GABRA3: variants seen among roughly 807,000 people sequenced by gnomAD.
GABRA3 encodes gamma-aminobutyric acid receptor subunit alpha-3.
Under a neutral mutation model 30.1 loss-of-function variants are expected in GABRA3, and 10 were observed. The observed-to-expected ratio is 0.33, with a 90% CI of 0.20 to 0.56. The LOEUF (loss-of-function observed/expected upper bound fraction) is 0.56. Ranked by LOEUF, GABRA3 falls within the 20% of genes least tolerant of loss-of-function variation. The probability of loss-of-function intolerance (pLI) is 0.89; values close to 1 mark genes in which losing one functional copy is unlikely to be tolerated. For missense variants in GABRA3, 233 were observed against 392.0 expected, an observed-to-expected ratio of 0.59 and a Z score of 3.42; for synonymous variants, 151 against 146.8, an observed-to-expected ratio of 1.03 and a Z score of -0.21.
chrX:152,419,144 G>T (rs1930311704), intron 1 of GABRA3, among the ~76,000 whole-genome samples: 1 of 110,033 alleles, frequency 9.1e-6, no homozygotes, highest in Non-Finnish European at 1.9e-5. Flanking sequence ...TCTGTTGTGG[G>T]GTGGGGGGTG....
chrX:152,278,630 T>A (rs1939137351), intron 4 of GABRA3, among the ~76,000 whole-genome samples: 1 of 111,350 alleles, frequency 9.0e-6, no homozygotes, highest in Non-Finnish European at 1.9e-5. Context: ...TACCCAGTAA[T>A]GGGAGGGCTG....
intron 1 of GABRA3, among the ~76,000 whole-genome samples, chrX:152,416,221 A>T (rs768414057): frequency 1.2e-3 from 118 of 97,365 alleles, no homozygotes; most frequent in African/African-American, 4.2e-3. Context: ...ATTCTTATAC[A>T]CCAGCAACAG....
At chrX:152,257,731 C>A (rs773442760) in intron 4 of GABRA3, among the ~76,000 whole-genome samples, 65 of 112,307 alleles carry the variant, frequency 5.8e-4, no homozygotes, top group African/African-American at 2.1e-3. Context: ...AAGAGCTTAG[C>A]AAAAGGGTAA....
At chrX:152,224,734 A>T in intron 6 of GABRA3, 29 bp downstream of exon 6, 1 of 1,037,501 alleles carries the variant, frequency 9.6e-7, no homozygotes, top group South Asian at 2.1e-5. Context: ...CAAAAAAAAA[A>T]GACAGAGAGA....
intron 1 of GABRA3, among the ~76,000 whole-genome samples, chrX:152,407,921 C>G (rs1441806897): frequency 1.8e-5 from 2 of 111,378 alleles, no homozygotes; most frequent in East Asian, 5.7e-4. Context: ...TCAACATATG[C>G]AAACCAATCA....
At chrX:152,388,959 G>T (rs1929402835) in intron 1 of GABRA3, among the ~76,000 whole-genome samples, 1 of 112,122 alleles carries the variant, frequency 8.9e-6, no homozygotes, top group Non-Finnish European at 1.9e-5. Context: ...GGCAAATGTG[G>T]TATATGAGCT....
rs768403171 is a variant in GABRA3 at position 152,285,900 on chromosome X, GTATTAAGTACTATATAGTACTTA to G, written c.263-1188_263-1166del. 3.9e-3 allele frequency among the ~76,000 whole-genome samples: 419 copies of G among 107,000 alleles called. 3 individuals carry two copies. Among genetic ancestry groups the G allele is most frequent in the Non-Finnish European group, 6.7e-3 (347 of 51,953 alleles). The allele number at this position is 107,000 out of a possible 115,157, so 92.9% of individuals were successfully genotyped here. A position where few individuals can be genotyped will look rare whatever the true frequency, so the allele number is the denominator to read the frequency against. ...TGCTTAGTACTATCTTAATACTATA[GTATTAAGTACTATATAGTACTTA>G]TATACTATATAGTACTTAGTACTAA... On this transcript the variant is annotated intron_variant, in intron 3 of 9. Transcript: ENST00000370314.
intron 1 of GABRA3, among the ~76,000 whole-genome samples, chrX:152,416,229 C>G (rs936438580): frequency 3.1e-5 from 3 of 96,785 alleles, no homozygotes; most frequent in African/African-American, 1.1e-4. Context: ...ACACCAGCAA[C>G]AGACAAACAG....
chrX:152,337,114 CA>C (rs1277125596), intron 3 of GABRA3, among the ~76,000 whole-genome samples: 1 of 111,575 alleles, frequency 9.0e-6, no homozygotes, highest in Admixed American at 9.6e-5. Flanking sequence ...CTTTGGGATA[CA>C]TGTGATAATT....
intron 5 of GABRA3, among the ~76,000 whole-genome samples, chrX:152,253,945 C>T (rs1039296520): frequency 8.9e-6 from 1 of 111,802 alleles, no homozygotes; most frequent in African/African-American, 3.2e-5. Flanking sequence ...CTTCTCTCAA[C>T]CTGTCCCAAA....
At chrX:152,417,382 C>T (rs1930254354) in intron 1 of GABRA3, among the ~76,000 whole-genome samples, 2 of 110,127 alleles carry the variant, frequency 1.8e-5, no homozygotes, top group South Asian at 3.9e-4. Context: ...ACAACTGGTG[C>T]TGGAGAGGAT....
rs1936957552 is a variant in GABRA3 at position 152,168,049 on chromosome X, A to G, written c.*179T>C. 2 of 446,862 alleles carry G rather than the reference A, an allele frequency of 4.5e-6. No homozygotes were observed. The highest frequency in any genetic ancestry group is 7.8e-6 in the Non-Finnish European group (2 of 257,738). The allele number at this position is 446,862 out of a possible 1,213,427, so 36.8% of individuals were successfully genotyped here. A position where few individuals can be genotyped will look rare whatever the true frequency, so the allele number is the denominator to read the frequency against. On this transcript the variant is annotated 3_prime_UTR_variant, in exon 10 of 10. Transcript: ENST00000370314. ...TTATACTGGGCAATATTGGAGGGAC[A>G]AGTAATTTTTCTGTAGTTATTTTTT...
At chrX:152,324,318 C>T (rs929375950) in intron 3 of GABRA3, among the ~76,000 whole-genome samples, 10 of 112,133 alleles carry the variant, frequency 8.9e-5, no homozygotes, top group African/African-American at 2.6e-4. Context: ...AACAAAAATA[C>T]GTAAGCTTTG....
At chrX:152,360,712 T>A (rs1381991364) in intron 2 of GABRA3, among the ~76,000 whole-genome samples, 233 of 31,110 alleles carry the variant, frequency 7.5e-3, no homozygotes, top group Admixed American at 8.2e-3. Flanking sequence ...AAAAAAAAAT[T>A]AAAAAAAAAA....
chrX:152,368,025 T>C (rs184655418), intron 1 of GABRA3, among the ~76,000 whole-genome samples: 1 of 111,801 alleles, frequency 8.9e-6, no homozygotes, highest in Admixed American at 9.5e-5. Flanking sequence ...TCTTAACTGG[T>C]TTTGCTGCCT....
intron 1 of GABRA3, among the ~76,000 whole-genome samples, chrX:152,408,772 A>G (rs1177783080): frequency 9.3e-6 from 1 of 107,032 alleles, no homozygotes; most frequent in African/African-American, 3.4e-5. Context: ...ATCCTGAGGA[A>G]AAAAAAAAAA....
intron 5 of GABRA3, among the ~76,000 whole-genome samples, chrX:152,252,921 C>T (rs1049222868): frequency 2.7e-5 from 3 of 111,759 alleles, no homozygotes; most frequent in Non-Finnish European, 5.6e-5. Flanking sequence ...TCTCTCAGAG[C>T]TGACACATAC....
chrX:152,405,560 A>G (rs1311937608), intron 1 of GABRA3, among the ~76,000 whole-genome samples: 1 of 110,392 alleles, frequency 9.1e-6, no homozygotes, highest in African/African-American at 3.3e-5. Flanking sequence ...CAAGGAAGAC[A>G]GTCCTTCCAC....
At chrX:152,199,421 C>T (rs1031216836) in intron 7 of GABRA3, among the ~76,000 whole-genome samples, 1 of 109,412 alleles carries the variant, frequency 9.1e-6, no homozygotes, top group African/African-American at 3.3e-5. Context: ...GGTGCAGCTG[C>T]AAGCCAAGGA....
Sources: gnomAD v4.1 joint callset for allele counts (sites outside exome capture counted in the v4.1 genomes callset) on GRCh38, gnomAD v4.1.1 for gene constraint, MANE v1.5 for transcripts, NCBI Gene and HGNC (gene_info 2026-07-23, HGNC 2026-07-21) for gene names.